The following ZDHHC17 variants were observed in gnomAD, a reference collection of about 807,000 sequenced individuals.
ZDHHC17 encodes the protein zDHHC palmitoyltransferase 17.
ZDHHC17 carries 40 observed loss-of-function variants against 90.3 expected under a neutral mutation model. That is an observed-to-expected ratio of 0.44 (90% CI 0.34 to 0.58). The LOEUF is 0.58. Ranked by LOEUF, ZDHHC17 falls within the 20% of genes least tolerant of loss-of-function variation. The pLI is 0.01. For missense variants in ZDHHC17, 614 were observed against 780.8 expected (o/e 0.79, Z 2.55); for synonymous variants, 235 against 252.4 (o/e 0.93, Z 0.65).
Position 76,826,977 on chromosome 12 carries a change from C to G in ZDHHC17, c.967C>G (p.Leu323Val). The change falls in exon 9 of 17, where the codon CTA (leucine) becomes GTA (valine). Residue 323 changes from leucine to valine, a missense_variant. This residue lies in a region of ZDHHC17 where 117 missense variants were observed against 183.6 expected (regional missense o/e 0.64). Coordinates refer to ENST00000426126, the MANE Select transcript of ZDHHC17 (RefSeq NM_015336.4). ...TTGGCTGGTTGGGTTTATAGCAGAC[C>G]TAAATATTGATTCTTGGCTCATTAA... is the stretch of plus-strand genomic sequence containing the variant. ...VIWLVGFIAD[L>V]NIDSWLIKGL... The G allele has an allele frequency of 6.4e-7, 1 of 1,555,956 alleles. No individual in the cohort carries two copies.
chr12:76,852,013 C>G lies in ZDHHC17; in HGVS notation c.*1028C>G, dbSNP rs1953573181. ...ATAAAAGAAAAGCTGACAGTATATTCTGGTTTCAATAAAATGACCTATCAG... is the reference window on the plus strand; with the variant it reads ...ATAAAAGAAAAGCTGACAGTATATTGTGGTTTCAATAAAATGACCTATCAG... On this transcript the variant is annotated 3_prime_UTR_variant, in exon 17 of 17. Transcript: ENST00000426126. 6.6e-6 allele frequency: 1 copy of G among 152,568 alleles called. No homozygotes were observed. Among genetic ancestry groups the G allele is most frequent in the Non-Finnish European group, 1.5e-5 (1 of 68,030 alleles). The allele number at this position is 152,568 out of a possible 1,614,324, so 9.5% of individuals were successfully genotyped here.
intron 7 of ZDHHC17, among the ~76,000 whole-genome samples, 198 bp downstream of exon 7, chr12:76,816,217 A>G (rs1444511723): frequency 5.9e-5 from 9 of 151,974 alleles, no homozygotes; most frequent in Admixed American, 5.9e-4. Context: ...TTTAAAGATC[A>G]AGAGATTTAA....
intron 1 of ZDHHC17, among the ~76,000 whole-genome samples, chr12:76,783,734 G>T (rs1019304132): frequency 6.6e-6 from 1 of 152,228 alleles, no homozygotes. Context: ...TCAGGAAAAA[G>T]AGTTTTTACA....
At chr12:76,825,704 A>G (rs904972959) in intron 8 of ZDHHC17, among the ~76,000 whole-genome samples, 1 of 152,106 alleles carries the variant, frequency 6.6e-6, no homozygotes, top group Non-Finnish European at 1.5e-5. Flanking sequence ...CACTTATTTC[A>G]GTGGAAGCTG....
intron 7 of ZDHHC17, chr12:76,820,991 A>G: frequency 1.0e-6 from 1 of 983,792 alleles, no homozygotes; most frequent in Non-Finnish European, 1.4e-6. Context: ...GAACTATACA[A>G]AAATAGTTAG....
intron 10 of ZDHHC17, among the ~76,000 whole-genome samples, chr12:76,841,546 C>T (rs893646381): frequency 1.3e-5 from 2 of 151,910 alleles, no homozygotes; most frequent in African/African-American, 4.8e-5. Flanking sequence ...AAATCAATTT[C>T]AGTGTGTTCA....
intron 1 of ZDHHC17, among the ~76,000 whole-genome samples, chr12:76,785,974 A>G (rs1011804573): frequency 1.1e-4 from 17 of 152,212 alleles, no homozygotes; most frequent in African/African-American, 4.1e-4. Context: ...GGACAGTAAT[A>G]TGGGTAGACC....
At chr12:76,829,978 C>G (rs537272264) in intron 10 of ZDHHC17, among the ~76,000 whole-genome samples, 55 of 152,118 alleles carry the variant, frequency 3.6e-4, no homozygotes, top group Admixed American at 8.5e-4. Context: ...CAGGCGTGCA[C>G]CACCACGACT....
At chr12:76,814,779 A>G (rs539831622) in intron 5 of ZDHHC17, among the ~76,000 whole-genome samples, 1 of 152,002 alleles carries the variant, frequency 6.6e-6, no homozygotes, top group Non-Finnish European at 1.5e-5. Flanking sequence ...TGAAATGCCT[A>G]GGAATAAACA....
chr12:76,808,733 A>G (rs1254648722), intron 3 of ZDHHC17, among the ~76,000 whole-genome samples: 1 of 152,008 alleles, frequency 6.6e-6, no homozygotes, highest in Admixed American at 6.6e-5. Flanking sequence ...TCAAGTTTCT[A>G]TATGCTACTA....
chr12:76,772,746 T>G (rs1241208916), intron 1 of ZDHHC17, among the ~76,000 whole-genome samples: 2 of 149,124 alleles, frequency 1.3e-5, no homozygotes, highest in East Asian at 4.0e-4. Context: ...AGGGTTTCAC[T>G]ATGTTACCCA....
chr12:76,818,193 T>C (rs1592485667), intron 7 of ZDHHC17, among the ~76,000 whole-genome samples: 1 of 151,624 alleles, frequency 6.6e-6, no homozygotes, highest in Non-Finnish European at 1.5e-5. Context: ...AGGGGAAAAA[T>C]TACCTGTATC....
intron 2 of ZDHHC17, among the ~76,000 whole-genome samples, chr12:76,798,760 C>T (rs1279301939): frequency 6.6e-6 from 1 of 152,138 alleles, no homozygotes; most frequent in Admixed American, 6.6e-5. Context: ...GCAGGTACAT[C>T]TGAACCTGGC....
intron 1 of ZDHHC17, among the ~76,000 whole-genome samples, chr12:76,776,475 C>T (rs1243403312): frequency 6.6e-6 from 1 of 152,062 alleles, no homozygotes; most frequent in Non-Finnish European, 1.5e-5. Flanking sequence ...ATTTTACATA[C>T]ATGTTCATGT....
intron 5 of ZDHHC17, among the ~76,000 whole-genome samples, chr12:76,811,653 G>A (rs1268851131): frequency 1.3e-5 from 2 of 151,774 alleles, no homozygotes; most frequent in African/African-American, 4.8e-5. Context: ...TGCACACAAA[G>A]ATAATAAATG....
chr12:76,823,905 T>C (rs983437713), intron 8 of ZDHHC17, among the ~76,000 whole-genome samples: 1 of 152,160 alleles, frequency 6.6e-6, no homozygotes, highest in East Asian at 1.9e-4. Context: ...ATATAGAAAA[T>C]GATTTATTTT....
rs1328059930 is a variant in ZDHHC17, at chr12:76,813,358, G to A, written c.544-1788G>A. The A allele has an allele frequency of 2.4e-5, 11 of 452,180 alleles. No homozygotes were observed. In the East Asian group the frequency reaches 7.0e-4, roughly 29 times the overall value. The allele number at this position is 452,180 out of a possible 1,614,324, so 28.0% of individuals were successfully genotyped here. A position where few individuals can be genotyped will look rare whatever the true frequency, so the allele number is the denominator to read the frequency against. Reference sequence around the variant, plus strand: ...TTGCATATTGGAAATGTTGAGTGAGGTTGCAGAAGATATTCCTGACAACAC... The same window carrying A: ...TTGCATATTGGAAATGTTGAGTGAGATTGCAGAAGATATTCCTGACAACAC... On this transcript the variant is annotated intron_variant, in intron 5 of 16. Coordinates refer to ENST00000426126, the MANE Select transcript of ZDHHC17 (RefSeq NM_015336.4).
chr12:76,796,185 G>A (rs2045851), intron 1 of ZDHHC17, among the ~76,000 whole-genome samples: 33,173 of 151,980 alleles, frequency 0.22, 3,796 homozygotes, highest in South Asian at 0.31. Context: ...AGTATCAGTG[G>A]TAGGTGGTTT....
At chr12:76,775,718 A>G (rs1375211165) in intron 1 of ZDHHC17, among the ~76,000 whole-genome samples, 1 of 152,200 alleles carries the variant, frequency 6.6e-6, no homozygotes, top group Non-Finnish European at 1.5e-5. Context: ...AAAATTTAGA[A>G]CAATACCTGG....
Sources: allele counts gnomAD v4.1 joint callset (sites outside exome capture counted in the v4.1 genomes callset), GRCh38; gene constraint gnomAD v4.1.1; regional missense constraint gnomAD v4.1.1; transcripts MANE v1.5; gene names NCBI Gene and HGNC (gene_info 2026-07-23, HGNC 2026-07-21).